The following ZDHHC15 variants were observed in gnomAD, a reference collection of about 807,000 sequenced individuals.
The protein encoded by ZDHHC15 is zDHHC palmitoyltransferase 15.
ZDHHC15 carries 19 observed loss-of-function variants against 31.7 expected under a neutral mutation model. That is an observed-to-expected ratio of 0.60 (90% CI 0.42 to 0.88). The LOEUF is 0.88. Among genes scored for constraint, ZDHHC15 ranks in the 40% least tolerant of loss-of-function variants. The pLI is 0.00. For missense variants in ZDHHC15, 209 were observed against 251.2 expected (o/e 0.83, Z 1.14); for synonymous variants, 103 against 90.0 (o/e 1.14, Z -0.82).
At chrX:75,379,977 C>A (rs1050816072) in intron 10 of ZDHHC15, among the ~76,000 whole-genome samples, 2 of 40,479 alleles carry the variant, frequency 4.9e-5, no homozygotes, top group Non-Finnish European at 1.5e-4. Flanking sequence ...AGATTCCAGA[C>A]AGCAGGTTGC....
chrX:75,401,746 T>C (rs960188373), intron 10 of ZDHHC15, among the ~76,000 whole-genome samples: 2 of 111,822 alleles, frequency 1.8e-5, no homozygotes, highest in African/African-American at 3.3e-5. Context: ...ATAAAGCAAG[T>C]TCTTAGAGAT....
chrX:75,421,435 T>C (rs1301243540), intron 9 of ZDHHC15, among the ~76,000 whole-genome samples: 2 of 62,567 alleles, frequency 3.2e-5, no homozygotes, highest in Non-Finnish European at 5.2e-5. Context: ...ATATATATAA[T>C]ATATATTATA....
intron 10 of ZDHHC15, among the ~76,000 whole-genome samples, chrX:75,398,566 C>A (rs906787153): frequency 1.7e-4 from 19 of 112,397 alleles, no homozygotes; most frequent in Non-Finnish European, 2.6e-4. Context: ...TGAAGTGGAC[C>A]CCCCAGCAAA....
chrX:75,412,945 G>A (rs1289863731), intron 10 of ZDHHC15, among the ~76,000 whole-genome samples: 4 of 111,591 alleles, frequency 3.6e-5, no homozygotes, highest in Non-Finnish European at 7.5e-5. Flanking sequence ...AGTGTACAAA[G>A]TAAGTAGTTA....
chrX:75,420,815 G>T (rs1241532571), intron 9 of ZDHHC15, among the ~76,000 whole-genome samples: 3 of 110,395 alleles, frequency 2.7e-5, no homozygotes, highest in Admixed American at 1.9e-4. Flanking sequence ...GGGGTGGGGA[G>T]CTAGGGGAGG....
At chrX:75,418,072 C>T (rs962336643) in intron 9 of ZDHHC15, among the ~76,000 whole-genome samples, 1 of 111,817 alleles carries the variant, frequency 8.9e-6, no homozygotes, top group Non-Finnish European at 1.9e-5. Flanking sequence ...ACTGATTTTA[C>T]ATCTCCCTTT....
At chrX:75,422,286 G>A (rs1467248481) in intron 8 of ZDHHC15, among the ~76,000 whole-genome samples, 1 of 111,800 alleles carries the variant, frequency 8.9e-6, no homozygotes. Context: ...GGGGTAGTAT[G>A]TATTTTGTAC....
intron 10 of ZDHHC15, among the ~76,000 whole-genome samples, chrX:75,411,927 C>CA (rs1186934224): frequency 1.8e-5 from 2 of 111,461 alleles, no homozygotes; most frequent in African/African-American, 6.5e-5. Flanking sequence ...AACTCAATAG[C>CA]AAAAAAACAA....
chrX:75,415,212 T>A (rs767195126), intron 10 of ZDHHC15, among the ~76,000 whole-genome samples: 4 of 112,054 alleles, frequency 3.6e-5, no homozygotes, highest in African/African-American at 1.3e-4. Context: ...TCTAAGTTGT[T>A]AAAAATGTAA....
chrX:75,513,308 G>T (rs1303731738), intron 1 of ZDHHC15, among the ~76,000 whole-genome samples: 1 of 111,606 alleles, frequency 9.0e-6, no homozygotes, highest in Non-Finnish European at 1.9e-5. Context: ...TTTAATCTCA[G>T]AATGGATACT....
Position 75,437,587 on chromosome X carries a change from TC to T in ZDHHC15, c.380-6068del, listed in dbSNP as rs1173892548. On this transcript the variant is annotated intron_variant, in intron 4 of 11. Coordinates refer to ENST00000373367, the MANE Select transcript of ZDHHC15 (RefSeq NM_144969.3). ...TTACTGAGAATGATGATTTCCAATTTCATCCATGTCCCTACAAAGGATATGA... is the reference window on the plus strand; with the variant it reads ...TTACTGAGAATGATGATTTCCAATTTATCCATGTCCCTACAAAGGATATGA... Among the ~76,000 whole-genome samples, 5 of 103,256 alleles carry T rather than the reference TC, an allele frequency of 4.8e-5. No individual in the cohort carries two copies. In the Admixed American group the frequency reaches 5.3e-4, roughly 11 times the overall value. 89.7% of individuals were successfully genotyped at this position (103,256 alleles called of 115,157 possible).
chrX:75,452,430 A>T (rs895377851), intron 3 of ZDHHC15, among the ~76,000 whole-genome samples: 2 of 110,888 alleles, frequency 1.8e-5, no homozygotes, highest in Non-Finnish European at 3.8e-5. Context: ...GACTCCACAC[A>T]ATAATAATGG....
intron 3 of ZDHHC15, among the ~76,000 whole-genome samples, chrX:75,451,460 C>CT (rs1323738156): frequency 8.9e-6 from 1 of 112,143 alleles, no homozygotes; most frequent in East Asian, 2.8e-4. Flanking sequence ...CTATTGAATA[C>CT]TTTTTTAGTC....
At chrX:75,444,339 G>A (rs756205485) in intron 4 of ZDHHC15, among the ~76,000 whole-genome samples, 2 of 107,435 alleles carry the variant, frequency 1.9e-5, no homozygotes, top group African/African-American at 3.4e-5. Context: ...GAAGCTTGAA[G>A]CCATCATTCT....
At chrX:75,510,154 T>C (rs1485629217) in intron 1 of ZDHHC15, among the ~76,000 whole-genome samples, 1 of 111,761 alleles carries the variant, frequency 8.9e-6, no homozygotes, top group Non-Finnish European at 1.9e-5. Flanking sequence ...CTCTCAAACC[T>C]GGATGATCGT....
intron 3 of ZDHHC15, among the ~76,000 whole-genome samples, chrX:75,463,980 G>A (rs760491304): frequency 2.1e-4 from 24 of 111,650 alleles, no homozygotes; most frequent in African/African-American, 5.9e-4. Flanking sequence ...AAAGACACAC[G>A]CACGCGTATG....
chrX:75,488,830 G>A (rs1020398060), intron 2 of ZDHHC15, among the ~76,000 whole-genome samples: 1 of 112,205 alleles, frequency 8.9e-6, no homozygotes, highest in Non-Finnish European at 1.9e-5. Context: ...AGGGGTCAGG[G>A]ACTTCCGTTT....
rs191994060 is a variant in ZDHHC15 at position 75,488,960 on chromosome X, C to A, written c.164-9975G>T. 1.3e-3 allele frequency among the ~76,000 whole-genome samples: 141 copies of A among 112,013 alleles called. 1 individual carries two copies. The East Asian group carries it at 0.025, about 20-fold the overall frequency. On this transcript the variant is annotated intron_variant, in intron 2 of 11. Coordinates refer to ENST00000373367, the MANE Select transcript of ZDHHC15 (RefSeq NM_144969.3). ...CACACCAGGAGATTATATCCCACGC[C>A]TGGTTCGGAGGATCCTACACCCACA...
At chrX:75,387,708 G>A (rs760246445) in intron 10 of ZDHHC15, among the ~76,000 whole-genome samples, 1 of 111,790 alleles carries the variant, frequency 8.9e-6, no homozygotes, top group African/African-American at 3.2e-5. Context: ...GTACAAGAGG[G>A]AGTTGAGCAA....
Sources: gnomAD v4.1 joint callset for allele counts (sites outside exome capture counted in the v4.1 genomes callset) on GRCh38, gnomAD v4.1.1 for gene constraint, MANE v1.5 for transcripts, NCBI Gene and HGNC (gene_info 2026-07-23, HGNC 2026-07-21) for gene names.